The following CFAP46 variants were observed in gnomAD, a reference collection of about 807,000 sequenced individuals.
CFAP46 encodes the protein cilia- and flagella-associated protein 46.
Under a neutral mutation model 325.7 loss-of-function variants are expected in CFAP46, and 245 were observed. That is an observed-to-expected ratio of 0.75 (90% confidence interval 0.68 to 0.84). The LOEUF is 0.84. Ranked by LOEUF, CFAP46 falls within the 40% of genes least tolerant of loss-of-function variation. The pLI is 0.00. For synonymous variants in CFAP46, 1,523 were observed against 1,495.9 expected, an observed-to-expected ratio of 1.02 and a Z score of -0.42; for missense variants, 3,346 against 3,543.0, an observed-to-expected ratio of 0.94 and a Z score of 1.41.
chr10:132,933,204 ACCT>A (rs1849940437), intron 8 of CFAP46, among the ~76,000 whole-genome samples: 1 of 150,942 alleles, frequency 6.6e-6, no homozygotes, highest in African/African-American at 2.4e-5. Context: ...GTCCCTGCCC[ACCT>A]CCTCCTCCCC....
chr10:132,878,179 C>A, intron 29 of CFAP46, 92 bp from the exon 30 acceptor site: 1 of 1,200,626 alleles, frequency 8.3e-7, no homozygotes, highest in African/African-American at 1.5e-5. Context: ...GACGCTCAGA[C>A]CCGCGGGGCT....
chr10:132,937,075 A>T lies in CFAP46; in HGVS notation c.661-20T>A. The T allele has an allele frequency of 7.1e-7, 1 of 1,400,916 alleles. No individual in the cohort carries two copies. The highest frequency in any genetic ancestry group is 9.6e-7 in the Non-Finnish European group (1 of 1,040,812). The allele number at this position is 1,400,916 out of a possible 1,614,324, so 86.8% of individuals were successfully genotyped here. A position where few individuals can be genotyped will look rare whatever the true frequency, so the allele number is the denominator to read the frequency against. ...ACGAACCTGTCATAAAATGGAGCAG[A>T]TTATTAATCTGGATTCAAACAATTC... On this transcript the variant is annotated intron_variant, in intron 6 of 57. Coordinates refer to ENST00000368586, the MANE Select transcript of CFAP46 (RefSeq NM_001200049.3).
intron 44 of CFAP46, among the ~76,000 whole-genome samples, chr10:132,843,623 G>A (rs144007312): frequency 0.02 from 1,686 of 82,778 alleles, 69 homozygotes; most frequent in Middle Eastern, 0.053. Context: ...CTCTGGTCTC[G>A]GTGAGTGTTC....
At position 132,886,168 on chromosome 10, in the gene CFAP46, C is replaced by T. The variant is rs1046857721; in HGVS notation, c.3305-209G>A. On this transcript the variant is annotated intron_variant, in intron 25 of 57. Transcript: ENST00000368586. This position sits in a 1 kb window ranked among gnomAD's most constrained non-coding sequence, Gnocchi z 5.8. ...GCCCCACAGTGGCCACCCGGGATGC[C>T]CTTTCCGTTGCAGGAAGCAGCTGTC... Among the ~76,000 whole-genome samples the T allele has an allele frequency of 6.6e-6, 1 of 152,306 alleles. No individual in the cohort carries two copies. The highest frequency in any genetic ancestry group is 2.1e-4 in the South Asian group (1 of 4,828).
chr10:132,940,104 G>T (rs1159751353), intron 4 of CFAP46, among the ~76,000 whole-genome samples: 1 of 152,072 alleles, frequency 6.6e-6, no homozygotes, highest in African/African-American at 2.4e-5. Context: ...TTGAGGTGGG[G>T]CCTCCCCGTC....
Position 132,847,000 on chromosome 10 carries a change from G to A in CFAP46, c.6199C>T (p.Leu2067=), listed in dbSNP as rs764032562. The A allele has an allele frequency of 2.5e-6, 4 of 1,610,432 alleles. No homozygotes were observed. Among genetic ancestry groups the A allele is most frequent in the South Asian group, 2.2e-5 (2 of 90,876 alleles). ...GLLDVAAAAS[L]EMVECVGTLD... ...GTGCCGACACACTCCACCATCTCCA[G>A]GCTGGCGGCTGCTGCGACATCCAGG... The change falls in exon 43 of 58, where the codon CTG becomes TTG. Residue 2067 remains leucine, a synonymous_variant. Coordinates refer to ENST00000368586, the MANE Select transcript of CFAP46 (RefSeq NM_001200049.3).
At chr10:132,922,360 C>A in intron 12 of CFAP46, 120 bp downstream of exon 12, 1 of 1,451,952 alleles carries the variant, frequency 6.9e-7, no homozygotes, top group South Asian at 1.4e-5. Flanking sequence ...AGCTCGGTCC[C>A]AGGCCTCCTT....
chr10:132,938,524 G>C, intron 5 of CFAP46, 65 bp downstream of exon 5: 1 of 1,497,324 alleles, frequency 6.7e-7, no homozygotes, highest in South Asian at 1.2e-5. Context: ...GAGAAGGGGT[G>C]GTGGCCTCAG....
rs746429808 is a variant in CFAP46 at position 132,833,503 on chromosome 10, G to C, written c.6972C>G (p.Ala2324=). The change falls in exon 50 of 58, where the codon GCC becomes GCG. Residue 2324 remains alanine, a synonymous_variant. Coordinates refer to ENST00000368586, the MANE Select transcript of CFAP46 (RefSeq NM_001200049.3). ...GQHSTVQPEV[A]DKIVLVADRH... is the part of the protein sequence containing the mutation. ...TGTCTGCGACCAGGACTATCTTATC[G>C]GCAACCTCAGGCTGGACTGTGCCTG... 9 of 1,613,812 alleles carry C rather than the reference G, an allele frequency of 5.6e-6. No homozygotes were observed. Among genetic ancestry groups the C allele is most frequent in the Non-Finnish European group, 5.9e-6 (7 of 1,179,920 alleles).
At chr10:132,849,354 C>T (rs752896460) in intron 41 of CFAP46, among the ~76,000 whole-genome samples, 2 of 152,198 alleles carry the variant, frequency 1.3e-5, no homozygotes, top group Non-Finnish European at 2.9e-5. Flanking sequence ...ATTTCAGGGC[C>T]GACCCAGGGC....
intron 33 of CFAP46, among the ~76,000 whole-genome samples, chr10:132,867,792 C>T (rs1011761957): frequency 6.6e-6 from 1 of 152,220 alleles, no homozygotes; most frequent in Non-Finnish European, 1.5e-5. Flanking sequence ...CGTGCCCAGC[C>T]CCGGCCCCGC....
intron 35 of CFAP46, among the ~76,000 whole-genome samples, chr10:132,864,898 T>C (rs1848791497): frequency 7.5e-6 from 1 of 132,928 alleles, no homozygotes. Flanking sequence ...TGCACACACC[T>C]GCCCTCAGTG....
rs986365482 is a variant in CFAP46, at chr10:132,869,002, C to T, written c.4610+272G>A. Among the ~76,000 whole-genome samples the T allele has an allele frequency of 2.0e-5, 3 of 152,216 alleles. No individual in the cohort carries two copies. The highest frequency in any genetic ancestry group is 2.9e-5 in the Non-Finnish European group (2 of 68,034). Reference sequence around the variant, plus strand: ...ACCCAGCGCCCAAGGGTCCAGGGCCCGGCAGCCAGCCTTTCTGTCCTCCGG... The same window carrying T: ...ACCCAGCGCCCAAGGGTCCAGGGCCTGGCAGCCAGCCTTTCTGTCCTCCGG... On this transcript the variant is annotated intron_variant, in intron 33 of 57. Transcript: ENST00000368586. The surrounding 1 kb of genome is among the most constrained non-coding windows in gnomAD (Gnocchi z 6.2).
In CFAP46 at chr10:132,889,614, C is replaced by T. The variant is rs1316237156; in HGVS notation, c.3304+2719G>A. Among the ~76,000 whole-genome samples, 2 of 152,222 alleles carry T rather than the reference C, an allele frequency of 1.3e-5. No individual in the cohort carries two copies. Among genetic ancestry groups the T allele is most frequent in the Non-Finnish European group, 2.9e-5 (2 of 68,046 alleles). On this transcript the variant is annotated intron_variant, in intron 25 of 57. Coordinates refer to ENST00000368586, the MANE Select transcript of CFAP46 (RefSeq NM_001200049.3). The surrounding 1 kb of genome is among the most constrained non-coding windows in gnomAD (Gnocchi z 6.0). ...TGGAGGGCTCACTTTGAGGTGTGACCTCCTGATTGACCCACAGCCATGTCC... is the reference window on the plus strand; with the variant it reads ...TGGAGGGCTCACTTTGAGGTGTGACTTCCTGATTGACCCACAGCCATGTCC...
chr10:132,835,553 AGTCCCTTCCTTCATGTGGG>A, intron 46 of CFAP46, 119 bp from the exon 47 acceptor site: 1 of 1,306,366 alleles, frequency 7.7e-7, no homozygotes, highest in Non-Finnish European at 1.1e-6. Flanking sequence ...CATGGATGGA[AGTCCCTTCCTTCATGTGGG>A]GTCCCCCTGG....
intron 50 of CFAP46, among the ~76,000 whole-genome samples, chr10:132,826,918 C>T (rs192121785): frequency 9.4e-4 from 143 of 152,212 alleles, no homozygotes; most frequent in South Asian, 5.8e-3. Context: ...GCGCTGTGGG[C>T]GGCGAGCTGG....
At chr10:132,842,196 T>C (rs1050774063) in intron 44 of CFAP46, among the ~76,000 whole-genome samples, 3 of 152,218 alleles carry the variant, frequency 2.0e-5, no homozygotes, top group Non-Finnish European at 4.4e-5. Context: ...CTTTGCTGCT[T>C]GGATATTTAT....
chr10:132,835,410 G>A lies in CFAP46; in HGVS notation c.6638C>T (p.Ala2213Val). 6.2e-7 allele frequency: 1 copy of A among 1,613,538 alleles called. No individual in the cohort carries two copies. The highest frequency in any genetic ancestry group is 1.3e-5 in the African/African-American group (1 of 75,050). Residue 2213 changes from alanine (A) to valine (V), a missense_variant, in exon 47 of 58, where the codon GCC becomes GTC. Ala to Val is a moderately conservative substitution (Grantham distance 64, BLOSUM62 0). Transcript: ENST00000368586. ...VGGSCKVMRL[A>V]ISPTAFSHLL... ...GTGGGAGAAGGCAGTGGGACTTATG[G>A]CCAGACGCATCACCTTGCAGGAGCC...
At chr10:132,824,965 A>AGTGCTGATGT (rs796773225) in intron 50 of CFAP46, among the ~76,000 whole-genome samples, 2 of 93,710 alleles carry the variant, frequency 2.1e-5, no homozygotes, top group African/African-American at 4.4e-5. Flanking sequence ...GTGCTGTGTG[A>AGTGCTGATGT]GTGCTGATGT....
Sources: gnomAD v4.1 joint callset for allele counts (sites outside exome capture counted in the v4.1 genomes callset) on GRCh38, gnomAD v4.1.1 for gene constraint, Gnocchi (gnomAD v3.1) non-coding constraint, MANE v1.5 for transcripts, NCBI Gene and HGNC (gene_info 2026-07-23, HGNC 2026-07-21) for gene names.